The following C2orf69 variants were observed in gnomAD, a reference collection of about 807,000 sequenced individuals.
C2orf69 encodes chromosome 2 open reading frame 69.
Under a neutral mutation model 29.5 loss-of-function variants are expected in C2orf69, and 19 were observed. The ratio of observed to expected loss-of-function variants is 0.65; its 90% CI spans 0.45 to 0.95. The LOEUF (loss-of-function observed/expected upper bound fraction) is 0.95. Ranked by LOEUF, C2orf69 falls within the 40% of genes least tolerant of loss-of-function variation. The pLI is 0.00. For missense variants in C2orf69, 416 were observed against 482.1 expected, an observed-to-expected ratio of 0.86 and a Z score of 1.28; for synonymous variants, 194 against 180.0, an observed-to-expected ratio of 1.08 and a Z score of -0.62.
chr2:199,918,551 G>A (rs575309926), intron 1 of C2orf69, among the ~76,000 whole-genome samples: 51 of 152,034 alleles, frequency 3.4e-4, no homozygotes, highest in East Asian at 1.4e-3. Flanking sequence ...TAGTAGAGAC[G>A]GGGTTTCACC....
In C2orf69 at chr2:199,925,419, C is replaced by T; in HGVS notation, c.691C>T (p.Gln231Ter). 1 of 1,613,698 alleles carries T rather than the reference C, an allele frequency of 6.2e-7. No individual in the cohort carries two copies. Among genetic ancestry groups the T allele is most frequent in the Non-Finnish European group, 8.5e-7 (1 of 1,179,820 alleles). Residue 231 changes from glutamine to a stop codon, truncating the protein, a stop_gained, in exon 2 of 2, where the codon CAG becomes TAG. Transcript: ENST00000319974. LOFTEE classifies it high-confidence loss of function. The surrounding 1 kb of genome is among the most constrained non-coding windows in gnomAD (Gnocchi z 4.9). ...SSPSHTTNGC[Q>*]GEKVRTCEKS... The stretch of plus-strand genomic sequence containing the variant: ...TCCTTCTCATACTACGAATGGTTGC[C>T]AGGGAGAAAAAGTGAGGACCTGTGA...
At chr2:199,919,490 G>A (rs2077305862) in intron 1 of C2orf69, among the ~76,000 whole-genome samples, 1 of 152,100 alleles carries the variant, frequency 6.6e-6, no homozygotes, top group Admixed American at 6.5e-5. Flanking sequence ...ACCCTGTTCT[G>A]GTCATTCTAG....
At position 199,911,501 on chromosome 2, in the gene C2orf69, C is replaced by G. The variant is rs1285954564; in HGVS notation, c.63C>G (p.Ile21Met). 6.5e-7 allele frequency: 1 copy of G among 1,547,584 alleles called. No homozygotes were observed. The highest frequency in any genetic ancestry group is 8.7e-7 in the Non-Finnish European group (1 of 1,145,616). ...TGCTCCTGCTGCCGCAGCTCGGAAT[C>G]GGAAACGCCTCGTCCTGCTCTCAGG... is the stretch of plus-strand genomic sequence containing the variant. ...PLLLLLPQLG[I>M]GNASSCSQAR... The change falls in exon 1 of 2, where the codon ATC (isoleucine) becomes ATG (methionine). Residue 21 changes from isoleucine (I) to methionine (M), a missense_variant. Ile to Met is a conservative substitution (Grantham distance 10, BLOSUM62 1). Transcript: ENST00000319974.
At chr2:199,917,645 A>G (rs1444749701) in intron 1 of C2orf69, among the ~76,000 whole-genome samples, 3 of 152,130 alleles carry the variant, frequency 2.0e-5, no homozygotes, top group Non-Finnish European at 2.9e-5. Context: ...CCAAATCACT[A>G]TCAGCATTTT....
chr2:199,913,462 T>C lies in C2orf69; in HGVS notation c.333+1691T>C, dbSNP rs1480883233. On this transcript the variant is annotated intron_variant, in intron 1 of 1. Coordinates refer to ENST00000319974, the MANE Select transcript of C2orf69 (RefSeq NM_153689.6). ...TATATAAAATATATATTCTATTATA[T>C]AAAATATATATTATATAAAATATAT... Among the ~76,000 whole-genome samples, 33 of 57,016 alleles carry C rather than the reference T, an allele frequency of 5.8e-4. 1 individual carries two copies. The East Asian group carries it at 0.013, about 23-fold the overall frequency. The allele number at this position is 57,016 out of a possible 152,430, so 37.4% of individuals were successfully genotyped here.
chr2:199,912,589 A>T (rs747126764), intron 1 of C2orf69, among the ~76,000 whole-genome samples: 1 of 152,196 alleles, frequency 6.6e-6, no homozygotes, highest in Non-Finnish European at 1.5e-5. Flanking sequence ...AAAATAATCC[A>T]TCATCATAGA....
chr2:199,916,667 G>A (rs1025505336), intron 1 of C2orf69, among the ~76,000 whole-genome samples: 2 of 152,202 alleles, frequency 1.3e-5, no homozygotes, highest in East Asian at 1.9e-4. Context: ...ATGCAGGTCC[G>A]AAATCCAATA....
chr2:199,916,252 G>C (rs2077292382), intron 1 of C2orf69, among the ~76,000 whole-genome samples: 1 of 152,138 alleles, frequency 6.6e-6, no homozygotes, highest in Non-Finnish European at 1.5e-5. Context: ...TCAGTATTAT[G>C]AGAACAGCAT....
intron 1 of C2orf69, among the ~76,000 whole-genome samples, chr2:199,919,330 A>G (rs995602055): frequency 1.3e-5 from 2 of 152,232 alleles, no homozygotes; most frequent in African/African-American, 4.8e-5. Context: ...TCAGCAGTTC[A>G]TAAACATTTG....
chr2:199,916,964 A>G (rs2077294885), intron 1 of C2orf69, among the ~76,000 whole-genome samples: 1 of 151,948 alleles, frequency 6.6e-6, no homozygotes, highest in Admixed American at 6.5e-5. Flanking sequence ...TCTTTTCCAT[A>G]CTGCCCTAGC....
intron 1 of C2orf69, among the ~76,000 whole-genome samples, chr2:199,915,839 C>G (rs1380685157): frequency 6.6e-6 from 1 of 152,084 alleles, no homozygotes; most frequent in Non-Finnish European, 1.5e-5. Flanking sequence ...TATCTTGATA[C>G]TGTTTCATTA....
chr2:199,920,739 G>A (rs1298114015), intron 1 of C2orf69, among the ~76,000 whole-genome samples: 5 of 151,900 alleles, frequency 3.3e-5, no homozygotes, highest in South Asian at 4.2e-4. Flanking sequence ...GGTGGATCAC[G>A]AGGTCAGGAG....
chr2:199,913,662 C>A (rs1385654235), intron 1 of C2orf69, among the ~76,000 whole-genome samples: 1 of 148,392 alleles, frequency 6.7e-6, no homozygotes, highest in East Asian at 1.9e-4. Flanking sequence ...AAGAAAAAAA[C>A]AACTACTACT....
At chr2:199,918,424 C>T (rs534586340) in intron 1 of C2orf69, among the ~76,000 whole-genome samples, 1 of 152,236 alleles carries the variant, frequency 6.6e-6, no homozygotes, top group African/African-American at 2.4e-5. Flanking sequence ...TGCAGTGGTA[C>T]AATCTCGGCT....
At chr2:199,912,266 G>A (rs1347835215) in intron 1 of C2orf69, among the ~76,000 whole-genome samples, 5 of 152,182 alleles carry the variant, frequency 3.3e-5, no homozygotes, top group Non-Finnish European at 5.9e-5. Context: ...TGGAAGAAAA[G>A]GGACAATAAT....
intron 1 of C2orf69, among the ~76,000 whole-genome samples, chr2:199,912,829 T>TG (rs1195364716): frequency 2.6e-5 from 4 of 151,898 alleles, no homozygotes; most frequent in Non-Finnish European, 2.9e-5. Context: ...TTAGTAGAGA[T>TG]GGGGTTCCAC....
chr2:199,918,090 C>T (rs1454458898), intron 1 of C2orf69, among the ~76,000 whole-genome samples: 1 of 152,204 alleles, frequency 6.6e-6, no homozygotes, highest in African/African-American at 2.4e-5. Context: ...GTAACCGCCC[C>T]ATGATTCAAT....
rs2077333311 is a variant in C2orf69, at chr2:199,925,807, T to C, written c.1079T>C (p.Met360Thr). Residue 360 changes from methionine (M) to threonine (T), a missense_variant, in exon 2 of 2, where the codon ATG becomes ACG. Physicochemically the swap from Met to Thr is moderately conservative, Grantham distance 81. This residue lies in a region of C2orf69 where 2 missense variants were observed against 18.3 expected (regional missense o/e 0.11). Coordinates refer to ENST00000319974, the MANE Select transcript of C2orf69 (RefSeq NM_153689.6). This position sits in a 1 kb window ranked among gnomAD's most constrained non-coding sequence, Gnocchi z 4.9. The part of the protein sequence containing the change: ...KFVQILGDLG[M>T]QVTSQIHFTK... ...GTTCAGATACTTGGGGATCTTGGTA[T>C]GCAGGTGACTAGCCAAATTCATTTT... The C allele has an allele frequency of 6.2e-7, 1 of 1,613,750 alleles. No homozygotes were observed. The highest frequency in any genetic ancestry group is 1.3e-5 in the African/African-American group (1 of 74,938).
chr2:199,914,170 G>T (rs2077284781), intron 1 of C2orf69, among the ~76,000 whole-genome samples: 1 of 152,084 alleles, frequency 6.6e-6, no homozygotes, highest in African/African-American at 2.4e-5. Flanking sequence ...TCCTCTGTCT[G>T]TGTTCACTCC....
Sources: gnomAD v4.1 joint callset for allele counts (sites outside exome capture counted in the v4.1 genomes callset) on GRCh38, gnomAD v4.1.1 for gene constraint, gnomAD v4.1.1 regional missense constraint, Gnocchi (gnomAD v3.1) non-coding constraint, MANE v1.5 for transcripts, NCBI Gene and HGNC (gene_info 2026-07-23, HGNC 2026-07-21) for gene names.